ZNF883: variants seen among roughly 807,000 people sequenced by gnomAD.
The protein encoded by ZNF883 is zinc finger protein 883.
chr9:112,992,933 C>T (rs1384575147), downstream of ZNF883, among the ~76,000 whole-genome samples: 1 of 152,092 alleles, frequency 6.6e-6, no homozygotes, highest in Admixed American at 6.6e-5. Context: ...CATTTATGTT[C>T]CTCTCTACTG....
At chr9:113,007,055 G>C (rs35286441) in intron 2 of ZNF883, among the ~76,000 whole-genome samples, 1 of 152,106 alleles carries the variant, frequency 6.6e-6, no homozygotes, top group African/African-American at 2.4e-5. Context: ...TTAGCCGGGC[G>C]TGGTGGTTCA....
chr9:112,994,676 T>C (rs922903351), downstream of ZNF883, among the ~76,000 whole-genome samples: 11 of 152,144 alleles, frequency 7.2e-5, no homozygotes, highest in Admixed American at 6.5e-4. Context: ...ATTTTTTAAA[T>C]TCCTGGTATT....
intron 1 of ZNF883, among the ~76,000 whole-genome samples, chr9:112,988,791 A>C (rs912969128): frequency 1.3e-5 from 2 of 151,970 alleles, no homozygotes; most frequent in Non-Finnish European, 2.9e-5. Context: ...AACTGTTCCT[A>C]TCTCTCCACA....
At chr9:113,007,040 A>C (rs1030264739) in intron 2 of ZNF883, among the ~76,000 whole-genome samples, 1 of 152,190 alleles carries the variant, frequency 6.6e-6, no homozygotes, top group African/African-American at 2.4e-5. Context: ...CTAAAAATAC[A>C]AAAATTAGCC....
In ZNF883 at chr9:112,997,245, G is replaced by A. The variant is rs748153653; in HGVS notation, n.1015C>T. The A allele has an allele frequency of 3.1e-6, 5 of 1,613,932 alleles. No homozygotes were observed. In the Admixed American group the frequency reaches 6.7e-5, roughly 22 times the overall value. On this transcript the variant is annotated non_coding_transcript_exon_variant, in exon 1 of 1. Transcript: ENST00000639662. ...CTCTCCCTTGTATGTATTCGCTTAT[G>A]TTTAGTTAGAGCTGAGCTTAAGCTG...
chr9:113,006,097 T>A (rs200769368), intron 2 of ZNF883, among the ~76,000 whole-genome samples: 6 of 144,360 alleles, frequency 4.2e-5, no homozygotes, highest in African/African-American at 7.7e-5. Flanking sequence ...CATGAAAAAT[T>A]AAAAAAAAAA....
upstream of ZNF883, chr9:112,998,991 G>C (rs760554866): frequency 6.6e-6 from 1 of 152,028 alleles, no homozygotes; most frequent in South Asian, 2.1e-4. Context: ...TTCTTCTAAT[G>C]TGAAGTATTA....
At chr9:112,997,703 C>A in exon 1 of ZNF883, 1 of 1,613,404 alleles carries the variant, frequency 6.2e-7, no homozygotes, top group Non-Finnish European at 8.5e-7. Context: ...AACTTTCCGA[C>A]ATTGCTTACA....
upstream of ZNF883, among the ~76,000 whole-genome samples, chr9:113,000,340 A>G (rs907625803): frequency 2.6e-4 from 40 of 152,332 alleles, 1 homozygote; most frequent in Admixed American, 2.1e-3. Flanking sequence ...CTTTAAACAG[A>G]GAAATTCAAT....
chr9:113,004,667 G>C (rs906419878), intron 2 of ZNF883, among the ~76,000 whole-genome samples: 4 of 151,820 alleles, frequency 2.6e-5, no homozygotes, highest in African/African-American at 9.7e-5. Context: ...CCAGACTCCA[G>C]AACTATGAGA....
At chr9:113,006,208 GC>G (rs1828474449) in intron 2 of ZNF883, among the ~76,000 whole-genome samples, 1 of 151,578 alleles carries the variant, frequency 6.6e-6, no homozygotes, top group Non-Finnish European at 1.5e-5. Flanking sequence ...TAAAAAACAT[GC>G]CCACCAGAGC....
At chr9:113,009,109 G>A (rs1460822416) in intron 2 of ZNF883, among the ~76,000 whole-genome samples, 1 of 152,142 alleles carries the variant, frequency 6.6e-6, no homozygotes, top group Non-Finnish European at 1.5e-5. Context: ...ATTCTCAACA[G>A]AGCATCCAAA....
At chr9:112,993,559 ACT>A (rs1828322155), downstream of ZNF883, among the ~76,000 whole-genome samples, 1 of 151,828 alleles carries the variant, frequency 6.6e-6, no homozygotes, top group Admixed American at 6.6e-5. Flanking sequence ...CTAACAAATC[ACT>A]CTAGCTGCCC....
chr9:113,011,280 G>A (rs892650574), intron 1 of ZNF883, 53 bp from the exon 2 acceptor site: 1 of 152,196 alleles, frequency 6.6e-6, no homozygotes, highest in Non-Finnish European at 1.5e-5. Context: ...TGAGAAGCCT[G>A]TCTGACTACC....
chr9:112,989,165 G>C (rs1184957365), intron 1 of ZNF883, among the ~76,000 whole-genome samples: 1 of 152,102 alleles, frequency 6.6e-6, no homozygotes, highest in East Asian at 1.9e-4. Flanking sequence ...TGCTTTTGTT[G>C]CAATAGCTTT....
At chr9:113,005,141 G>A (rs1464674925) in intron 2 of ZNF883, among the ~76,000 whole-genome samples, 1 of 151,902 alleles carries the variant, frequency 6.6e-6, no homozygotes, top group African/African-American at 2.4e-5. Context: ...ATCTTGCAAT[G>A]GGGAAATCCT....
At position 113,006,951 on chromosome 9, in the gene ZNF883, T is replaced by C. The variant is rs539013974; in HGVS notation, n.165+4190A>G. Among the ~76,000 whole-genome samples the C allele has an allele frequency of 1.7e-3, 254 of 152,136 alleles. 1 individual carries two copies. The highest frequency in any genetic ancestry group is 2.9e-3 in the Non-Finnish European group (194 of 68,012). On this transcript the variant is annotated intron_variant and non_coding_transcript_variant, in intron 2 of 4. Coordinates refer to the ZNF883 transcript ENST00000638622. ...TGGCTCACGCCTGTAATCCCAGCAT[T>C]TTGGGAAGCTGAGGCAGGCAGATCA...
At chr9:113,004,673 TGAGA>T (rs1828458465) in intron 2 of ZNF883, among the ~76,000 whole-genome samples, 1 of 151,826 alleles carries the variant, frequency 6.6e-6, no homozygotes, top group African/African-American at 2.4e-5. Flanking sequence ...TCCAGAACTA[TGAGA>T]AAGAAATGTT....
At chr9:112,989,913 G>A (rs961429566) in intron 1 of ZNF883, among the ~76,000 whole-genome samples, 16 of 152,132 alleles carry the variant, frequency 1.1e-4, no homozygotes, top group Admixed American at 1.0e-3. Flanking sequence ...TTGGCTTTCT[G>A]CTTGCCTATT....
Sources: gnomAD v4.1 joint callset for allele counts (sites outside exome capture counted in the v4.1 genomes callset) on GRCh38, gnomAD v4.1.1 for gene constraint, MANE v1.5 for transcripts, NCBI Gene and HGNC (gene_info 2026-07-23, HGNC 2026-07-21) for gene names.